FANCB: variants seen among roughly 807,000 people sequenced by gnomAD.
FANCB encodes Fanconi anemia group B protein.
FANCB carries 5 observed loss-of-function variants against 38.9 expected under a neutral mutation model. The ratio of observed to expected loss-of-function variants is 0.13; its 90% CI spans 0.07 to 0.27. The LOEUF (loss-of-function observed/expected upper bound fraction) is 0.27. Ranked by LOEUF, FANCB falls within the 10% of genes least tolerant of loss-of-function variation. The pLI is 1.00. For synonymous variants in FANCB, 236 were observed against 215.4 expected, an observed-to-expected ratio of 1.10 and a Z score of -0.84; for missense variants, 573 against 602.7, an observed-to-expected ratio of 0.95 and a Z score of 0.52.
At chrX:14,722,938 T>G in the FANCB span, among the ~76,000 whole-genome samples, 1 of 112,940 alleles carries the variant, frequency 8.9e-6, no homozygotes, top group Admixed American at 9.3e-5. Context: ...TATTGCCTTA[T>G]CTGGGTAAAA....
the FANCB span, among the ~76,000 whole-genome samples, chrX:14,718,554 C>T: frequency 8.9e-6 from 1 of 112,192 alleles, no homozygotes; most frequent in African/African-American, 3.2e-5. Flanking sequence ...GTCTCTACTA[C>T]ATGATGTCTG....
chrX:14,850,210 C>G (rs2092394836), intron 7 of FANCB, among the ~76,000 whole-genome samples: 1 of 110,917 alleles, frequency 9.0e-6, no homozygotes, highest in South Asian at 3.8e-4. Flanking sequence ...ACTAGCCGGG[C>G]ATGATGGTGC....
At chrX:14,777,285 C>T in the FANCB span, among the ~76,000 whole-genome samples, 1 of 112,092 alleles carries the variant, frequency 8.9e-6, no homozygotes, top group South Asian at 3.7e-4. Flanking sequence ...CAGGGGTCTA[C>T]CTATTAGGAC....
the FANCB span, among the ~76,000 whole-genome samples, chrX:14,749,045 G>A: frequency 1.9e-4 from 21 of 111,818 alleles, no homozygotes; most frequent in Non-Finnish European, 3.4e-4. Flanking sequence ...AAAGAACAGT[G>A]ATGGGACTGT....
chrX:14,786,361 G>T, the FANCB span, among the ~76,000 whole-genome samples: 1 of 110,643 alleles, frequency 9.0e-6, no homozygotes, highest in Non-Finnish European at 1.9e-5. Flanking sequence ...GTTAAAAGTT[G>T]AAAAAAGCCT....
downstream of FANCB, among the ~76,000 whole-genome samples, chrX:14,842,980 G>T (rs774032080): frequency 3.6e-5 from 4 of 111,807 alleles, no homozygotes; most frequent in South Asian, 1.5e-3. Context: ...ATTTCTGTAG[G>T]AGAAATACTG....
chrX:14,855,042 A>G (rs771496631), intron 5 of FANCB, among the ~76,000 whole-genome samples: 2 of 111,965 alleles, frequency 1.8e-5, no homozygotes, highest in Non-Finnish European at 3.8e-5. Flanking sequence ...GTTGCTTTAC[A>G]GTATTCCATC....
chrX:14,822,948 A>C, the FANCB span, among the ~76,000 whole-genome samples: 1 of 111,200 alleles, frequency 9.0e-6, no homozygotes, highest in African/African-American at 3.3e-5. Context: ...TTTGGTGTTA[A>C]CTTTATACCT....
At chrX:14,717,751 A>AAC in the FANCB span, among the ~76,000 whole-genome samples, 2 of 109,948 alleles carry the variant, frequency 1.8e-5, no homozygotes, top group African/African-American at 6.6e-5. Flanking sequence ...AAAAAAAAAA[A>AAC]AAAAAACCCA....
At chrX:14,772,840 G>A in the FANCB span, among the ~76,000 whole-genome samples, 1 of 111,784 alleles carries the variant, frequency 8.9e-6, no homozygotes, top group South Asian at 3.8e-4. Context: ...TGATTCAAGG[G>A]TTGCAAAGAA....
At chrX:14,719,532 T>C in the FANCB span, among the ~76,000 whole-genome samples, 76 of 111,636 alleles carry the variant, frequency 6.8e-4, no homozygotes, top group Non-Finnish European at 1.1e-3. Context: ...AGAATAGCTA[T>C]TATCAAAAAG....
chrX:14,810,129 C>A, the FANCB span, among the ~76,000 whole-genome samples: 4 of 111,882 alleles, frequency 3.6e-5, no homozygotes, highest in East Asian at 1.1e-3. Context: ...GGAAAACTAA[C>A]AAACAGAAAG....
chrX:14,724,676 C>CAAAAA, the FANCB span, among the ~76,000 whole-genome samples: 1 of 99,212 alleles, frequency 1.0e-5, no homozygotes, highest in African/African-American at 3.8e-5. Context: ...GGCAGTTGCT[C>CAAAAA]AATAAATAAA....
chrX:14,827,148 T>C, the FANCB span, among the ~76,000 whole-genome samples: 4 of 112,049 alleles, frequency 3.6e-5, no homozygotes, highest in East Asian at 8.4e-4. Context: ...TATATTTTAA[T>C]ATCCAGCACA....
At chrX:14,806,966 T>C in the FANCB span, among the ~76,000 whole-genome samples, 8 of 111,532 alleles carry the variant, frequency 7.2e-5, no homozygotes, top group East Asian at 1.4e-3. Context: ...ATGGCTCAGA[T>C]AAATAATGAC....
chrX:14,833,208 A>G (rs918025763), downstream of FANCB, among the ~76,000 whole-genome samples: 1 of 112,252 alleles, frequency 8.9e-6, no homozygotes, highest in Non-Finnish European at 1.9e-5. Flanking sequence ...CAAAATTTCT[A>G]TCAATGAAAG....
At chrX:14,761,867 T>G in the FANCB span, among the ~76,000 whole-genome samples, 1 of 111,254 alleles carries the variant, frequency 9.0e-6, no homozygotes, top group Non-Finnish European at 1.9e-5. Context: ...TGAATGTGGT[T>G]GTAGGCATTA....
At chrX:14,745,849 A>G in the FANCB span, among the ~76,000 whole-genome samples, 1 of 107,248 alleles carries the variant, frequency 9.3e-6, no homozygotes, top group Admixed American at 1.0e-4. Context: ...ACAGGCGCCC[A>G]CCACCATGAC....
At chrX:14,699,063 C>T in the FANCB span, among the ~76,000 whole-genome samples, 1 of 112,121 alleles carries the variant, frequency 8.9e-6, no homozygotes, top group African/African-American at 3.2e-5. Context: ...CAGAGTTTCT[C>T]AGAAACAATC....
Sources: allele counts gnomAD v4.1 joint callset (sites outside exome capture counted in the v4.1 genomes callset), GRCh38; gene constraint gnomAD v4.1.1; transcripts MANE v1.5; gene names NCBI Gene and HGNC (gene_info 2026-07-23, HGNC 2026-07-21).